Variants in AHCY observed in about 807,000 individuals in gnomAD.
AHCY encodes adenosylhomocysteinase.
AHCY carries 24 observed loss-of-function variants against 45.4 expected under a neutral mutation model. The observed-to-expected ratio is 0.53, with a 90% confidence interval of 0.38 to 0.74. AHCY has a LOEUF of 0.74. AHCY is among the 30% of genes least tolerant of loss of function. The probability of loss-of-function intolerance (pLI) is 0.00; values close to 1 mark genes in which losing one functional copy is unlikely to be tolerated. For synonymous variants in AHCY, 245 were observed against 235.1 expected (o/e 1.04, Z -0.39); for missense variants, 449 against 594.1 (o/e 0.76, Z 2.54).
chr20:34,300,221 T>C (rs1352629471), intron 1 of AHCY, among the ~76,000 whole-genome samples: 4 of 152,092 alleles, frequency 2.6e-5, no homozygotes, highest in Non-Finnish European at 5.9e-5. Context: ...CTGCCACTTC[T>C]CAGTTGGACA....
intron 1 of AHCY, among the ~76,000 whole-genome samples, chr20:34,311,316 C>T (rs1201063125): frequency 6.6e-6 from 1 of 152,212 alleles, no homozygotes; most frequent in Non-Finnish European, 1.5e-5. Context: ...AACAGTGCTT[C>T]CCTGGGGATC....
intron 1 of AHCY, among the ~76,000 whole-genome samples, chr20:34,310,897 G>A (rs975226516): frequency 2.6e-5 from 4 of 151,862 alleles, no homozygotes; most frequent in East Asian, 1.9e-4. Context: ...AGGCTGATTC[G>A]GGCGGGTCAC....
upstream of AHCY, among the ~76,000 whole-genome samples, chr20:34,306,231 A>C (rs2036895022): frequency 6.6e-6 from 1 of 152,208 alleles, no homozygotes; most frequent in Non-Finnish European, 1.5e-5. Context: ...GTTCATATGA[A>C]CAAAACTTTG....
At position 34,290,835 on chromosome 20, in the gene AHCY, T is replaced by A. The variant is rs765720284; in HGVS notation, c.662A>T (p.Tyr221Phe). 15 of 1,614,026 alleles carry A rather than the reference T, an allele frequency of 9.3e-6. No homozygotes were observed. Among genetic ancestry groups the A allele is most frequent in the Non-Finnish European group, 1.2e-5 (14 of 1,179,972 alleles). Residue 221 changes from tyrosine (Y) to phenylalanine (F), a missense_variant, in exon 6 of 10, where the codon TAT becomes TTT. Physicochemically the swap from Tyr to Phe is conservative, Grantham distance 22. Transcript: ENST00000217426. This position sits in a 1 kb window ranked among gnomAD's most constrained non-coding sequence, Gnocchi z 4.5. ...GGCACAGCCCTTGCCCACATCACCATAGCCTGCTACCACCGCTACCTTGCC... is the reference window on the plus strand; with the variant it reads ...GGCACAGCCCTTGCCCACATCACCAAAGCCTGCTACCACCGCTACCTTGCC... Reference protein sequence around the residue: ...IAGKVAVVAGYGDVGKGCAQA... With the variant: ...IAGKVAVVAGFGDVGKGCAQA...
At chr20:34,250,455 T>C in the AHCY span, among the ~76,000 whole-genome samples, 1 of 152,092 alleles carries the variant, frequency 6.6e-6, no homozygotes, top group African/African-American at 2.4e-5. Context: ...ATCACCTAAG[T>C]CCAGGAGTTT....
chr20:34,276,628 G>T (rs2035912419), downstream of AHCY, among the ~76,000 whole-genome samples: 1 of 152,138 alleles, frequency 6.6e-6, no homozygotes, highest in South Asian at 2.1e-4. Flanking sequence ...TTGCAAGGTT[G>T]TAACTCCTCC....
chr20:34,270,763 T>C, the AHCY span, among the ~76,000 whole-genome samples: 1 of 152,206 alleles, frequency 6.6e-6, no homozygotes, highest in Non-Finnish European at 1.5e-5. Flanking sequence ...CCCATGGCCA[T>C]TGTCTCTTGT....
the AHCY span, among the ~76,000 whole-genome samples, chr20:34,260,990 A>G: frequency 7.2e-5 from 11 of 152,180 alleles, no homozygotes; most frequent in African/African-American, 1.2e-4. Context: ...ACCTGATAAT[A>G]ATCATAGACA....
At chr20:34,295,932 CACTCCCTAAAG>C (rs1201975162) in intron 1 of AHCY, among the ~76,000 whole-genome samples, 23 of 152,120 alleles carry the variant, frequency 1.5e-4, no homozygotes, top group African/African-American at 5.3e-4. Flanking sequence ...GGCCACTCCT[CACTCCCTAAAG>C]ACTCCCTAAA....
chr20:34,258,848 TATATA>T, the AHCY span, among the ~76,000 whole-genome samples: 2,349 of 123,278 alleles, frequency 0.019, 44 homozygotes, highest in Middle Eastern at 0.045. Context: ...ATATAGTGTA[TATATA>T]ATATATGATA....
At chr20:34,281,959 G>T (rs555672297) in intron 9 of AHCY, among the ~76,000 whole-genome samples, 1 of 152,334 alleles carries the variant, frequency 6.6e-6, no homozygotes, top group South Asian at 2.1e-4. Context: ...AAAGTGCTGG[G>T]ATTACAGGCG....
the AHCY span, among the ~76,000 whole-genome samples, chr20:34,245,298 C>A: frequency 7.0e-6 from 1 of 142,240 alleles, no homozygotes; most frequent in African/African-American, 2.6e-5. Context: ...CATGCCATTG[C>A]ACTCGAGCCT....
the AHCY span, among the ~76,000 whole-genome samples, chr20:34,271,381 A>C: frequency 6.6e-6 from 1 of 152,172 alleles, no homozygotes; most frequent in African/African-American, 2.4e-5. Context: ...TGTTGTGAGA[A>C]TCTGGGACCG....
At position 34,281,173 on chromosome 20, in the gene AHCY, G is replaced by A; in HGVS notation, c.1168-8C>T. The A allele has an allele frequency of 6.2e-7, 1 of 1,612,708 alleles. No homozygotes were observed. The highest frequency in any genetic ancestry group is 1.1e-5 in the South Asian group (1 of 91,010). On this transcript the variant is annotated splice_polypyrimidine_tract_variant and splice_region_variant and intron_variant, in intron 9 of 9. Coordinates refer to ENST00000217426, the MANE Select transcript of AHCY (RefSeq NM_000687.4). The stretch of plus-strand genomic sequence containing the variant: ...AGCCACTGCCTCATCCAGCTGGGGA[G>A]AAACAAAGGAAGACCGGGAATCAGT...
At chr20:34,297,205 T>C (rs906676259) in intron 1 of AHCY, among the ~76,000 whole-genome samples, 1 of 152,010 alleles carries the variant, frequency 6.6e-6, no homozygotes, top group Non-Finnish European at 1.5e-5. Flanking sequence ...CTCAGCCCAA[T>C]TAAACCCGAC....
the AHCY span, chr20:34,246,640 T>C: frequency 8.7e-6 from 5 of 575,100 alleles, no homozygotes; most frequent in East Asian, 1.7e-4. Context: ...GTATTTTTGG[T>C]AGAGATGGGG....
the AHCY span, chr20:34,260,569 G>C: frequency 6.4e-7 from 1 of 1,571,838 alleles, no homozygotes; most frequent in Admixed American, 1.7e-5. Flanking sequence ...TGGCCCAGGA[G>C]AGGGGCTGCA....
chr20:34,291,215 T>C (rs990743817), intron 5 of AHCY, among the ~76,000 whole-genome samples: 1 of 152,204 alleles, frequency 6.6e-6, no homozygotes, highest in Non-Finnish European at 1.5e-5. Context: ...ACTTGAAAGC[T>C]CTTCTTCCCA....
upstream of AHCY, among the ~76,000 whole-genome samples, chr20:34,306,164 T>A (rs990326484): frequency 3.9e-5 from 6 of 152,038 alleles, no homozygotes; most frequent in African/African-American, 1.4e-4. Flanking sequence ...ATCCTCACTG[T>A]ATATCGTGCT....
Sources: gnomAD v4.1 joint callset for allele counts (sites outside exome capture counted in the v4.1 genomes callset) on GRCh38, gnomAD v4.1.1 for gene constraint, Gnocchi (gnomAD v3.1) non-coding constraint, MANE v1.5 for transcripts, NCBI Gene and HGNC (gene_info 2026-07-23, HGNC 2026-07-21) for gene names.